Variants in ANKHD1 observed in about 807,000 individuals in gnomAD.
The protein encoded by ANKHD1 is ankyrin repeat and KH domain-containing protein 1.
ANKHD1 carries 31 observed loss-of-function variants against 230.5 expected under a neutral mutation model. The observed-to-expected ratio is 0.13, with a 90% CI of 0.10 to 0.18. ANKHD1 has a LOEUF of 0.18. Among genes scored for constraint, ANKHD1 ranks in the 10% least tolerant of loss-of-function variants. The pLI is 1.00. For synonymous variants in ANKHD1, 1,074 were observed against 1,117.6 expected (o/e 0.96, Z 0.78); for missense variants, 2,256 against 3,071.3 (o/e 0.73, Z 6.27).
At chr5:140,415,846 G>C (rs2126858889) in intron 1 of ANKHD1, among the ~76,000 whole-genome samples, 1 of 151,984 alleles carries the variant, frequency 6.6e-6, no homozygotes, top group South Asian at 2.1e-4. Flanking sequence ...CTGCAGGTTT[G>C]TTACATATGT....
chr5:140,442,769 C>G (rs1773960791), intron 5 of ANKHD1, among the ~76,000 whole-genome samples: 1 of 152,158 alleles, frequency 6.6e-6, no homozygotes, highest in Admixed American at 6.5e-5. Flanking sequence ...CCCATAAACT[C>G]TGTGGCACAG....
At chr5:140,538,018 A>G in intron 31 of ANKHD1, 68 bp from the exon 32 acceptor site, 1 of 1,536,288 alleles carries the variant, frequency 6.5e-7, no homozygotes, top group Admixed American at 2.0e-5. Flanking sequence ...GTTTGGTAAT[A>G]ACAATGGTAA....
intron 14 of ANKHD1, among the ~76,000 whole-genome samples, chr5:140,490,891 G>T (rs1751742006): frequency 6.6e-6 from 1 of 151,150 alleles, no homozygotes; most frequent in African/African-American, 2.4e-5. Flanking sequence ...AAGTGTAGAG[G>T]GTTGAGTTAA....
At chr5:140,455,162 AG>A (rs1319595717) in intron 7 of ANKHD1, among the ~76,000 whole-genome samples, 1 of 152,236 alleles carries the variant, frequency 6.6e-6, no homozygotes, top group African/African-American at 2.4e-5. Context: ...AGACTAAACC[AG>A]GAAGAAGTTG....
At chr5:140,531,848 T>C (rs1426288860) in intron 29 of ANKHD1, among the ~76,000 whole-genome samples, 1 of 152,188 alleles carries the variant, frequency 6.6e-6, no homozygotes, top group Non-Finnish European at 1.5e-5. Flanking sequence ...CGAACGTTCA[T>C]TAACTGACAA....
In ANKHD1 at chr5:140,506,798, TGTA is replaced by T; in HGVS notation, c.3409-36_3409-34del. On this transcript the variant is annotated intron_variant, in intron 18 of 33. Coordinates refer to ENST00000360839, the MANE Select transcript of ANKHD1 (RefSeq NM_017747.3). This position sits in a 1 kb window ranked among gnomAD's most constrained non-coding sequence, Gnocchi z 4.7. ...CCTTCATTATAAGTTGAGCCCTTGG[TGTA>T]AACTCTCTTCTCTATCCATATTTTA... is the stretch of plus-strand genomic sequence containing the variant. 1 of 1,610,234 alleles carries T rather than the reference TGTA, an allele frequency of 6.2e-7. No individual in the cohort carries two copies. The highest frequency in any genetic ancestry group is 1.1e-5 in the South Asian group (1 of 90,244).
intron 22 of ANKHD1, among the ~76,000 whole-genome samples, chr5:140,512,259 T>C (rs181371880): frequency 7.4e-4 from 112 of 151,388 alleles, no homozygotes; most frequent in African/African-American, 2.6e-3. Flanking sequence ...AAAAAAGATA[T>C]GCTTAGAATT....
chr5:140,470,277 T>C (rs1430438055), intron 10 of ANKHD1, among the ~76,000 whole-genome samples: 2 of 152,078 alleles, frequency 1.3e-5, no homozygotes, highest in African/African-American at 2.4e-5. Context: ...AAACAGTGAA[T>C]ACTTTCTGTC....
rs1401724620 is a variant in ANKHD1, at chr5:140,402,209, C to T, written c.242C>T (p.Ala81Val). The T allele has an allele frequency of 2.0e-6, 3 of 1,523,588 alleles. No homozygotes were observed. Among genetic ancestry groups the T allele is most frequent in the Non-Finnish European group, 2.6e-6 (3 of 1,140,246 alleles). The allele number at this position is 1,523,588 out of a possible 1,614,324, so 94.4% of individuals were successfully genotyped here. Reference sequence around the variant, plus strand: ...GCGGCGCTGGATTTCAAGTTGGCGGCTGCCGTGCTGAGGACCGGGGGTGGA... The same window carrying T: ...GCGGCGCTGGATTTCAAGTTGGCGGTTGCCGTGCTGAGGACCGGGGGTGGA... ...GDAALDFKLA[A>V]AVLRTGGGGG... is the part of the protein sequence containing the mutation. Residue 81 changes from alanine to valine, a missense_variant, in exon 1 of 34, where the codon GCT becomes GTT. By Grantham distance (64) the Ala-to-Val change is moderately conservative. Around this residue, in one of 13 missense-constraint regions of ANKHD1, gnomAD observed 193 missense variants for 185.8 expected, o/e 1.04. Transcript: ENST00000360839.
intron 30 of ANKHD1, chr5:140,536,005 G>A (rs1040050045): frequency 6.6e-6 from 1 of 151,838 alleles, no homozygotes; most frequent in African/African-American, 2.4e-5. Flanking sequence ...TTTTGTATAT[G>A]GTCAGTTTGG....
chr5:140,409,370 G>A lies in ANKHD1; in HGVS notation c.306+7097G>A, dbSNP rs1272224300. ...AAAAAGTTCAGTTGTCCATGAAAAT[G>A]AATTTTTAAAAAACTTTTATGGGGA... is the stretch of plus-strand genomic sequence containing the variant. On this transcript the variant is annotated intron_variant, in intron 1 of 33. Transcript: ENST00000360839. 3.3e-5 allele frequency among the ~76,000 whole-genome samples: 5 copies of A among 152,216 alleles called. No individual in the cohort carries two copies. In the East Asian group the frequency reaches 9.7e-4, roughly 29 times the overall value.
Position 140,529,268 on chromosome 5 carries a change from A to T in ANKHD1, c.6322A>T (p.Thr2108Ser). The T allele has an allele frequency of 6.2e-7, 1 of 1,614,206 alleles. No homozygotes were observed. The highest frequency in any genetic ancestry group is 8.5e-7 in the Non-Finnish European group (1 of 1,180,032). Reference sequence around the variant, plus strand: ...CTCAGAACCTGCTCCATTGACTTTGACATCACCCAGAATGGTTGCTGCTGA... The same window carrying T: ...CTCAGAACCTGCTCCATTGACTTTGTCATCACCCAGAATGGTTGCTGCTGA... ...SNSEPAPLTLTSPRMVAADNQ... is the reference protein window; with the variant it reads ...SNSEPAPLTLSSPRMVAADNQ... Residue 2108 changes from threonine to serine, a missense_variant, in exon 29 of 34, where the codon ACA (threonine) becomes TCA (serine). This residue lies in a region of ANKHD1 where 778 missense variants were observed against 966.5 expected (regional missense o/e 0.80). Transcript: ENST00000360839.
intron 7 of ANKHD1, among the ~76,000 whole-genome samples, chr5:140,454,750 A>G (rs1288375465): frequency 6.6e-6 from 1 of 152,252 alleles, no homozygotes. Context: ...AATGTCCACA[A>G]GAGAAAACAG....
chr5:140,502,771 TA>T (rs1203954046), intron 15 of ANKHD1, among the ~76,000 whole-genome samples: 1 of 152,192 alleles, frequency 6.6e-6, no homozygotes, highest in African/African-American at 2.4e-5. Flanking sequence ...TTATTACTAT[TA>T]TTTTTTTCTT....
chr5:140,505,011 T>C lies in ANKHD1; in HGVS notation c.3150+45T>C, dbSNP rs754442131. 38 of 1,607,778 alleles carry C rather than the reference T, an allele frequency of 2.4e-5. 1 individual carries two copies. The South Asian group carries it at 4.2e-4, about 18-fold the overall frequency. On this transcript the variant is annotated intron_variant, in intron 16 of 33. Coordinates refer to ENST00000360839, the MANE Select transcript of ANKHD1 (RefSeq NM_017747.3). Reference sequence around the variant, plus strand: ...TAAACTTATTTTGCACATTCTGATCTTCTTTGGAAAGGAAAATTATTCTGC... The same window carrying C: ...TAAACTTATTTTGCACATTCTGATCCTCTTTGGAAAGGAAAATTATTCTGC...
At chr5:140,410,481 A>G (rs1297579817) in intron 1 of ANKHD1, among the ~76,000 whole-genome samples, 7 of 152,208 alleles carry the variant, frequency 4.6e-5, no homozygotes, top group African/African-American at 4.8e-5. Flanking sequence ...AAGAAAAGCA[A>G]AACAGTTTTA....
chr5:140,404,200 T>C (rs2126830686), intron 1 of ANKHD1, among the ~76,000 whole-genome samples: 1 of 152,276 alleles, frequency 6.6e-6, no homozygotes, highest in African/African-American at 2.4e-5. Context: ...ACGTGAGAGA[T>C]TAAGCTAGAA....
intron 1 of ANKHD1, among the ~76,000 whole-genome samples, chr5:140,424,521 G>C (rs62385221): frequency 0.057 from 8,663 of 152,212 alleles, 356 homozygotes; most frequent in Middle Eastern, 0.092. Context: ...GGTATGGCTA[G>C]AATATAAAAA....
intron 24 of ANKHD1, among the ~76,000 whole-genome samples, chr5:140,520,133 C>T (rs1213009027): frequency 4.2e-4 from 64 of 151,930 alleles, no homozygotes; most frequent in African/African-American, 1.4e-3. Context: ...TGAACAGACA[C>T]TTCTCAAAAG....
Sources: allele counts gnomAD v4.1 joint callset (sites outside exome capture counted in the v4.1 genomes callset), GRCh38; gene constraint gnomAD v4.1.1; regional missense constraint gnomAD v4.1.1; non-coding constraint Gnocchi (gnomAD v3.1); transcripts MANE v1.5; gene names NCBI Gene and HGNC (gene_info 2026-07-23, HGNC 2026-07-21).